ANKFN1: variants seen among roughly 807,000 people sequenced by gnomAD.
The protein encoded by ANKFN1 is ankyrin repeat and fibronectin type III domain containing 1.
ANKFN1 carries 74 observed loss-of-function variants against 108.7 expected under a neutral mutation model. The ratio of observed to expected loss-of-function variants is 0.68; its 90% CI spans 0.56 to 0.83. ANKFN1 has a LOEUF of 0.83. Ranked by LOEUF, ANKFN1 falls within the 40% of genes least tolerant of loss-of-function variation. ANKFN1 has a pLI of 0.00. For missense variants in ANKFN1, 1,505 were observed against 1,382.3 expected, an observed-to-expected ratio of 1.09 and a Z score of -1.41; for synonymous variants, 547 against 516.2, an observed-to-expected ratio of 1.06 and a Z score of -0.81.
chr17:56,474,160 T>C (rs925815122), intron 15 of ANKFN1, among the ~76,000 whole-genome samples: 1 of 152,186 alleles, frequency 6.6e-6, no homozygotes, highest in African/African-American at 2.4e-5. Context: ...AGAATGTCAA[T>C]AAATAAGCTG....
chr17:56,084,310 A>G (rs2143173772), intron 4 of ANKFN1, among the ~76,000 whole-genome samples: 1 of 149,152 alleles, frequency 6.7e-6, no homozygotes, highest in African/African-American at 2.4e-5. Flanking sequence ...GCAACCAAGA[A>G]TGGGGTACTG....
chr17:56,502,501 C>T lies in ANKFN1; in HGVS notation c.2644+3403C>T, dbSNP rs9896183. ...TGAAACACAAAGATGTGGAAAGCAG[C>T]AAATGACAAATGGAACCTAATGATG... is the stretch of plus-strand genomic sequence containing the variant. On this transcript the variant is annotated intron_variant, in intron 20 of 20. Coordinates refer to ENST00000682825, the MANE Select transcript of ANKFN1 (RefSeq NM_001370326.1). Among the ~76,000 whole-genome samples, 355 of 152,284 alleles carry T rather than the reference C, an allele frequency of 2.3e-3. 1 individual carries two copies. The highest frequency in any genetic ancestry group is 8.2e-3 in the African/African-American group (339 of 41,554).
rs181401973 is a variant in ANKFN1, at chr17:56,513,758, G to C, written c.*2489G>C. On this transcript the variant is annotated 3_prime_UTR_variant, in exon 21 of 21. Coordinates refer to ENST00000682825, the MANE Select transcript of ANKFN1 (RefSeq NM_001370326.1). ...TTTTCATCTTCTGTGAGGAAAGAAG[G>C]CATGCCCACAAAAAGAATAATGCAT... is the stretch of plus-strand genomic sequence containing the variant. Among the ~76,000 whole-genome samples, 19 of 152,316 alleles carry C rather than the reference G, an allele frequency of 1.2e-4. No individual in the cohort carries two copies. The highest frequency in any genetic ancestry group is 2.1e-4 in the Non-Finnish European group (14 of 68,026).
At chr17:56,112,502 C>A (rs917052924) in intron 4 of ANKFN1, among the ~76,000 whole-genome samples, 1 of 151,878 alleles carries the variant, frequency 6.6e-6, no homozygotes, top group African/African-American at 2.4e-5. Context: ...AAGTGAAATT[C>A]TCTTTCTAAC....
intron 4 of ANKFN1, among the ~76,000 whole-genome samples, chr17:56,138,669 C>T (rs1907738979): frequency 6.6e-6 from 1 of 152,082 alleles, no homozygotes; most frequent in East Asian, 1.9e-4. Flanking sequence ...ACCACCACAT[C>T]CAGCTAATTT....
intron 4 of ANKFN1, among the ~76,000 whole-genome samples, chr17:56,098,162 G>A (rs1905568666): frequency 6.6e-6 from 1 of 152,068 alleles, no homozygotes; most frequent in Non-Finnish European, 1.5e-5. Flanking sequence ...GCCAGAAGCT[G>A]GAAAAGAATG....
upstream of ANKFN1, among the ~76,000 whole-genome samples, chr17:56,153,172 G>C (rs918938717): frequency 1.3e-5 from 2 of 151,968 alleles, no homozygotes; most frequent in Non-Finnish European, 2.9e-5. Context: ...CCCCTTTCAG[G>C]GGCACAAAGA....
chr17:56,467,691 GAAAGA>G (rs1348673673), intron 15 of ANKFN1, among the ~76,000 whole-genome samples: 1 of 111,430 alleles, frequency 9.0e-6, no homozygotes, highest in Non-Finnish European at 1.9e-5. Context: ...AAAAAAAAAA[GAAAGA>G]AAAGAAAAGA....
chr17:56,304,912 G>A (rs759144661), intron 3 of ANKFN1, among the ~76,000 whole-genome samples: 3 of 151,976 alleles, frequency 2.0e-5, no homozygotes, highest in Non-Finnish European at 4.4e-5. Flanking sequence ...TATTCTTGAG[G>A]TTTGAAAAGT....
chr17:56,315,815 A>G (rs1033286780), intron 3 of ANKFN1, among the ~76,000 whole-genome samples: 7 of 152,220 alleles, frequency 4.6e-5, no homozygotes, highest in African/African-American at 1.7e-4. Context: ...AGGAGTCTGA[A>G]GACAGAAGAA....
In ANKFN1 at chr17:56,307,890, G is replaced by A. The variant is rs548387129; in HGVS notation, c.54-18331G>A. Among the ~76,000 whole-genome samples the A allele has an allele frequency of 6.3e-3, 962 of 152,180 alleles. 7 individuals carry two copies. The highest frequency in any genetic ancestry group is 0.012 in the Non-Finnish European group (823 of 67,996). On this transcript the variant is annotated intron_variant, in intron 3 of 20. Coordinates refer to ENST00000682825, the MANE Select transcript of ANKFN1 (RefSeq NM_001370326.1). ...TGGCACATATACACCATGGAATACTGTGCAGCCATAAAAAATGATGAGTTC... is the reference window on the plus strand; with the variant it reads ...TGGCACATATACACCATGGAATACTATGCAGCCATAAAAAATGATGAGTTC...
intron 3 of ANKFN1, among the ~76,000 whole-genome samples, chr17:56,301,491 G>A (rs2044669083): frequency 6.6e-6 from 1 of 152,214 alleles, no homozygotes; most frequent in Admixed American, 6.5e-5. Context: ...GAACTCTGTA[G>A]TGCAATGGCC....
chr17:56,155,691 A>C (rs1480397075), intron 1 of ANKFN1, among the ~76,000 whole-genome samples: 1 of 152,164 alleles, frequency 6.6e-6, no homozygotes, highest in African/African-American at 2.4e-5. Context: ...AGGCAAAGCA[A>C]GGTGCCTGGG....
chr17:56,414,215 G>T (rs2048176187), intron 8 of ANKFN1, among the ~76,000 whole-genome samples: 1 of 152,166 alleles, frequency 6.6e-6, no homozygotes, highest in South Asian at 2.1e-4. Context: ...GGGTAAGTTA[G>T]AGAGGAGTCA....
At chr17:56,295,559 C>G (rs1347173546) in intron 3 of ANKFN1, among the ~76,000 whole-genome samples, 1 of 152,134 alleles carries the variant, frequency 6.6e-6, no homozygotes, top group Non-Finnish European at 1.5e-5. Context: ...CACTATTCTA[C>G]TCTTCATTAA....
chr17:56,337,617 AG>A (rs150390490), intron 4 of ANKFN1, among the ~76,000 whole-genome samples: 75,554 of 151,922 alleles, frequency 0.5, 19,163 homozygotes, highest in Middle Eastern at 0.57. Context: ...CAAGAAAAAA[AG>A]CAACCCCATC....
chr17:56,153,631 C>A, intron 1 of ANKFN1, 101 bp downstream of exon 1: 1 of 1,475,780 alleles, frequency 6.8e-7, no homozygotes, highest in Non-Finnish European at 9.5e-7. Context: ...CGAGTGAATT[C>A]GGGCGTTAGC....
intron 3 of ANKFN1, among the ~76,000 whole-genome samples, chr17:56,230,118 C>G (rs1916620698): frequency 6.6e-6 from 1 of 152,074 alleles, no homozygotes; most frequent in Non-Finnish European, 1.5e-5. Context: ...AGGAGACTTT[C>G]CAAGTAAAGG....
intron 8 of ANKFN1, among the ~76,000 whole-genome samples, chr17:56,403,656 T>C (rs1350117182): frequency 6.6e-6 from 1 of 152,202 alleles, no homozygotes; most frequent in Non-Finnish European, 1.5e-5. Context: ...TCAATGTTAG[T>C]ATTGAAATAT....
Sources: allele counts gnomAD v4.1 joint callset (sites outside exome capture counted in the v4.1 genomes callset), GRCh38; gene constraint gnomAD v4.1.1; transcripts MANE v1.5; gene names NCBI Gene and HGNC (gene_info 2026-07-23, HGNC 2026-07-21).